The following CREB1 variants were observed in gnomAD, a reference collection of about 807,000 sequenced individuals.
CREB1 encodes cyclic AMP-responsive element-binding protein 1.
In CREB1, 2 loss-of-function variants were observed where a neutral mutation model predicts 42.0. The ratio of observed to expected loss-of-function variants is 0.05; its 90% confidence interval spans 0.02 to 0.15. CREB1 has a LOEUF of 0.15. Ranked by LOEUF, CREB1 falls within the 10% of genes least tolerant of loss-of-function variation. The pLI, the probability that CREB1 is intolerant of heterozygous loss-of-function variation, is 1.00. For missense variants in CREB1, 199 were observed against 388.9 expected (o/e 0.51, Z 4.11); for synonymous variants, 123 against 139.9 (o/e 0.88, Z 0.85).
intron 1 of CREB1, among the ~76,000 whole-genome samples, chr2:207,555,226 A>G (rs991493520): frequency 4.6e-5 from 7 of 152,178 alleles, no homozygotes; most frequent in Non-Finnish European, 7.3e-5. Context: ...AAACTCTGTC[A>G]TCATTAGCTC....
At chr2:207,576,754 A>T in intron 6 of CREB1, 1 of 1,062,578 alleles carries the variant, frequency 9.4e-7, no homozygotes, top group Admixed American at 4.7e-5. Flanking sequence ...TGATATTAAT[A>T]ATTAATATGA....
At chr2:207,543,775 T>C (rs2081192710) in intron 1 of CREB1, among the ~76,000 whole-genome samples, 1 of 151,872 alleles carries the variant, frequency 6.6e-6, no homozygotes, top group South Asian at 2.1e-4. Flanking sequence ...GCTAATTTTT[T>C]TGTATTTTTA....
Position 207,597,367 on chromosome 2 carries a change from G to T in CREB1, c.*309G>T. 1 of 293,248 alleles carries T rather than the reference G, an allele frequency of 3.4e-6. No individual in the cohort carries two copies. Among genetic ancestry groups the T allele is most frequent in the Non-Finnish European group, 6.3e-6 (1 of 159,678 alleles). 18.2% of individuals were successfully genotyped at this position (293,248 alleles called of 1,614,324 possible). On this transcript the variant is annotated 3_prime_UTR_variant, in exon 8 of 8. Coordinates refer to ENST00000353267, the MANE Select transcript of CREB1 (RefSeq NM_004379.5). The stretch of plus-strand genomic sequence containing the variant: ...CTTGTAAATTGATGGGAGAAATGAG[G>T]AAAAGAAAATCTTTTTAAAAATGAT...
chr2:207,563,583 C>T (rs2082031222), intron 3 of CREB1, among the ~76,000 whole-genome samples: 1 of 152,080 alleles, frequency 6.6e-6, no homozygotes, highest in Non-Finnish European at 1.5e-5. Flanking sequence ...TTTTCAATGC[C>T]AGCAGTTGTT....
At chr2:207,596,835 AAAAG>A in intron 7 of CREB1, 75 bp from the exon 8 acceptor site, 2 of 1,537,430 alleles carry the variant, frequency 1.3e-6, no homozygotes, top group Non-Finnish European at 1.8e-6. Flanking sequence ...ATTTCTTTAA[AAAAG>A]AAAAAAAAAA....
In CREB1 at chr2:207,597,551, TA is replaced by T. The variant is rs2086372049; in HGVS notation, c.*494del. 4.7e-6 allele frequency: 1 copy of T among 211,562 alleles called. No individual in the cohort carries two copies. Among genetic ancestry groups the T allele is most frequent in the South Asian group, 1.9e-4 (1 of 5,316 alleles). 13.1% of individuals were successfully genotyped at this position (211,562 alleles called of 1,614,324 possible). On this transcript the variant is annotated 3_prime_UTR_variant, in exon 8 of 8. Transcript: ENST00000353267. ...ATGTTGTCACATTCTCATTGTGAAT[TA>T]TGTAAAGTTGTTAAGAGACATACCC...
intron 1 of CREB1, among the ~76,000 whole-genome samples, chr2:207,542,010 T>G (rs1042099771): frequency 6.6e-6 from 1 of 152,246 alleles, no homozygotes; most frequent in Non-Finnish European, 1.5e-5. Flanking sequence ...ATTCATGTTG[T>G]AGTATGTATC....
intron 1 of CREB1, among the ~76,000 whole-genome samples, chr2:207,530,691 C>T (rs1040569564): frequency 3.3e-5 from 5 of 151,596 alleles, no homozygotes; most frequent in African/African-American, 1.2e-4. Context: ...CAGTTGAGGG[C>T]AGAGGAGGTG....
chr2:207,556,930 A>G (rs1255492632), intron 2 of CREB1, among the ~76,000 whole-genome samples: 2 of 152,198 alleles, frequency 1.3e-5, no homozygotes, highest in East Asian at 3.8e-4. Context: ...TGAGGTCAGG[A>G]GTTCAAGACG....
intron 7 of CREB1, among the ~76,000 whole-genome samples, chr2:207,588,980 C>T (rs1210552936): frequency 6.6e-6 from 1 of 151,840 alleles, no homozygotes. Flanking sequence ...ATCTGCATGC[C>T]TTTTAATTTT....
At position 207,553,674 on chromosome 2, in the gene CREB1, A is replaced by G. The variant is rs138983330; in HGVS notation, c.-8-1954A>G. On this transcript the variant is annotated intron_variant, in intron 1 of 7. Coordinates refer to ENST00000353267, the MANE Select transcript of CREB1 (RefSeq NM_004379.5). ...TATAGTTTTGGCTTATTAAAGTGTT[A>G]TATATGTCTTCTGATATTAAAATTT... is the stretch of plus-strand genomic sequence containing the variant. Among the ~76,000 whole-genome samples the G allele has an allele frequency of 3.3e-3, 510 of 152,310 alleles. 1 individual carries two copies. The highest frequency in any genetic ancestry group is 0.011 in the African/African-American group (475 of 41,574).
intron 1 of CREB1, among the ~76,000 whole-genome samples, chr2:207,536,991 TAAATA>T (rs1432259676): frequency 1.3e-5 from 2 of 151,480 alleles, no homozygotes; most frequent in African/African-American, 4.8e-5. Context: ...TGCCATCTCA[TAAATA>T]AAATATTACT....
At chr2:207,566,318 C>T (rs777419404) in intron 3 of CREB1, among the ~76,000 whole-genome samples, 17 of 152,174 alleles carry the variant, frequency 1.1e-4, no homozygotes, top group East Asian at 1.9e-4. Flanking sequence ...CATTGCCATA[C>T]GTTTTGACGT....
chr2:207,569,063 C>T (rs2082251940), intron 4 of CREB1, among the ~76,000 whole-genome samples: 1 of 151,936 alleles, frequency 6.6e-6, no homozygotes, highest in Non-Finnish European at 1.5e-5. Flanking sequence ...CCCTTTTTTC[C>T]TTACACAAAA....
Position 207,599,392 on chromosome 2 carries a change from G to A in CREB1, c.*2334G>A, listed in dbSNP as rs893108340. On this transcript the variant is annotated 3_prime_UTR_variant, in exon 8 of 8. Transcript: ENST00000353267. ...TGTTATAAATGAAAAATTGCCTGAT[G>A]TTTAGCAGTTTGTATTCTCTAAAGC... 2.4e-5 allele frequency: 5 copies of A among 204,760 alleles called. No individual in the cohort carries two copies. The highest frequency in any genetic ancestry group is 2.4e-4 in the Admixed American group (4 of 16,808). The allele number at this position is 204,760 out of a possible 1,614,324, so 12.7% of individuals were successfully genotyped here. A position where few individuals can be genotyped will look rare whatever the true frequency, so the allele number is the denominator to read the frequency against.
At position 207,599,644 on chromosome 2, in the gene CREB1, TTGAAGA is replaced by T. The variant is rs2086714419; in HGVS notation, c.*2588_*2593del. The T allele has an allele frequency of 5.0e-6, 1 of 200,732 alleles. No homozygotes were observed. The highest frequency in any genetic ancestry group is 1.0e-5 in the Non-Finnish European group (1 of 97,366). 12.4% of individuals were successfully genotyped at this position (200,732 alleles called of 1,614,324 possible). On this transcript the variant is annotated 3_prime_UTR_variant, in exon 8 of 8. Transcript: ENST00000353267. ...ATCTGTCTTAGACCCTTGGTGAAAC[TTGAAGA>T]TTTCAGTTTATAAAGATAAAATCAA...
chr2:207,556,235 T>C (rs2081714214), intron 2 of CREB1, among the ~76,000 whole-genome samples: 1 of 152,172 alleles, frequency 6.6e-6, no homozygotes, highest in African/African-American at 2.4e-5. Context: ...TTAAATATAA[T>C]TTCTGATTCT....
At position 207,603,452 on chromosome 2, in the gene CREB1, A is replaced by G. The variant is rs2087473936; in HGVS notation, c.*6394A>G. On this transcript the variant is annotated 3_prime_UTR_variant, in exon 8 of 8. Transcript: ENST00000353267. ...AACTCTGTAAGTCTCTTTTTTGGGG[A>G]TGGGATCTCTATATTTTGTTGGGTT... 1 of 225,116 alleles carries G rather than the reference A, an allele frequency of 4.4e-6. No individual in the cohort carries two copies. 13.9% of individuals were successfully genotyped at this position (225,116 alleles called of 1,614,324 possible).
chr2:207,533,634 G>A (rs773647666), intron 1 of CREB1, among the ~76,000 whole-genome samples: 12 of 152,068 alleles, frequency 7.9e-5, no homozygotes, highest in Non-Finnish European at 1.6e-4. Flanking sequence ...AACTTTGATG[G>A]CTTCTTTATT....
Sources: allele counts gnomAD v4.1 joint callset (sites outside exome capture counted in the v4.1 genomes callset), GRCh38; gene constraint gnomAD v4.1.1; transcripts MANE v1.5; gene names NCBI Gene and HGNC (gene_info 2026-07-23, HGNC 2026-07-21).